PIK3CD: variants seen among roughly 807,000 people sequenced by gnomAD.
PIK3CD encodes phosphatidylinositol 4,5-bisphosphate 3-kinase catalytic subunit delta isoform.
Under a neutral mutation model 122.9 loss-of-function variants are expected in PIK3CD, and 20 were observed. The ratio of observed to expected loss-of-function variants is 0.16; its 90% CI spans 0.11 to 0.24. The LOEUF is 0.24. Among genes scored for constraint, PIK3CD ranks in the 10% least tolerant of loss-of-function variants. PIK3CD has a pLI of 1.00. For missense variants in PIK3CD, 787 were observed against 1,406.3 expected (o/e 0.56, Z 7.04); for synonymous variants, 596 against 593.4 (o/e 1.00, Z -0.06).
At chr1:9,630,804 C>T in the PIK3CD span, among the ~76,000 whole-genome samples, 1 of 151,836 alleles carries the variant, frequency 6.6e-6, no homozygotes, top group East Asian at 1.9e-4. Context: ...CATGTGCAAA[C>T]GTCCAGAGTC....
intron 1 of PIK3CD, among the ~76,000 whole-genome samples, chr1:9,670,505 A>G (rs192842370): frequency 6.6e-6 from 1 of 152,320 alleles, no homozygotes; most frequent in East Asian, 1.9e-4. Flanking sequence ...TTAGAATTAC[A>G]GGCTTCATAT....
chr1:9,695,299 A>G (rs976853644), intron 2 of PIK3CD, among the ~76,000 whole-genome samples: 1 of 152,176 alleles, frequency 6.6e-6, no homozygotes, highest in Non-Finnish European at 1.5e-5. Flanking sequence ...GCTCAAGAAA[A>G]AAAGGCAAGA....
chr1:9,709,130 A>G (rs1646953490), intron 2 of PIK3CD, among the ~76,000 whole-genome samples: 1 of 151,948 alleles, frequency 6.6e-6, no homozygotes, highest in African/African-American at 2.4e-5. Flanking sequence ...CCTGGGTTCA[A>G]GCGATTCTCC....
Position 9,727,732 on chromosome 1 carries a change from C to T in PIK3CD, c.*686C>T, listed in dbSNP as rs890741867. 9 of 211,000 alleles carry T rather than the reference C, an allele frequency of 4.3e-5. No individual in the cohort carries two copies. The highest frequency in any genetic ancestry group is 2.0e-4 in the African/African-American group (9 of 43,978). 13.1% of individuals were successfully genotyped at this position (211,000 alleles called of 1,614,324 possible). The stretch of plus-strand genomic sequence containing the variant: ...CAGGACGTGTTAAAGAGATCTGGGC[C>T]TCATGTAGCTCACCCCGGTCACGCA... On this transcript the variant is annotated 3_prime_UTR_variant, in exon 24 of 24. Coordinates refer to ENST00000377346, the MANE Select transcript of PIK3CD (RefSeq NM_005026.5).
chr1:9,722,045 C>T lies in PIK3CD; in HGVS notation c.2126C>T (p.Pro709Leu), dbSNP rs1477333023. The change falls in exon 17 of 24, where the codon CCC becomes CTC. Residue 709 changes from proline (P) to leucine (L), a missense_variant. Physicochemically the swap from Pro to Leu is moderately conservative, Grantham distance 98. This residue lies in a region of PIK3CD where 48 missense variants were observed against 71.9 expected (regional missense o/e 0.67). Transcript: ENST00000377346. This position sits in a 1 kb window ranked among gnomAD's most constrained non-coding sequence, Gnocchi z 7.6. ...VKLSSQKTPKPQTKELMHLCM... is the reference protein window; with the variant it reads ...VKLSSQKTPKLQTKELMHLCM... ...CTGAGCTCTCAGAAGACCCCCAAGC[C>T]CCAGACCAAGGAGCTGATGCACTTG... is the stretch of plus-strand genomic sequence containing the variant. 3 of 1,613,744 alleles carry T rather than the reference C, an allele frequency of 1.9e-6. No homozygotes were observed. The highest frequency in any genetic ancestry group is 1.1e-5 in the South Asian group (1 of 91,090).
At chr1:9,647,481 A>ATTATT (rs143700434), upstream of PIK3CD, among the ~76,000 whole-genome samples, 7 of 139,448 alleles carry the variant, frequency 5.0e-5, no homozygotes, top group Non-Finnish European at 7.7e-5. Flanking sequence ...TCATGATTCT[A>ATTATT]ATTATTATTA....
rs1186260674 is a variant in PIK3CD at position 9,727,332 on chromosome 1, C to G, written c.*286C>G. Reference sequence around the variant, plus strand: ...ACCCCAAGTCTTCCAGCTGGTGGATCTGGGCCCAGCAAAGACTGTTCTCCT... The same window carrying G: ...ACCCCAAGTCTTCCAGCTGGTGGATGTGGGCCCAGCAAAGACTGTTCTCCT... On this transcript the variant is annotated 3_prime_UTR_variant, in exon 24 of 24. Transcript: ENST00000377346. 4.0e-6 allele frequency: 2 copies of G among 501,386 alleles called. No homozygotes were observed. The highest frequency in any genetic ancestry group is 7.3e-6 in the Non-Finnish European group (2 of 274,466). The allele number at this position is 501,386 out of a possible 1,614,324, so 31.1% of individuals were successfully genotyped here. A position where few individuals can be genotyped will look rare whatever the true frequency, so the allele number is the denominator to read the frequency against.
At chr1:9,695,071 A>T (rs755786744) in intron 2 of PIK3CD, among the ~76,000 whole-genome samples, 7 of 152,188 alleles carry the variant, frequency 4.6e-5, no homozygotes, top group Non-Finnish European at 7.3e-5. Context: ...ACAGGGTCGT[A>T]TGGGGAAAAA....
chr1:9,632,301 C>T, the PIK3CD span, among the ~76,000 whole-genome samples: 5 of 152,254 alleles, frequency 3.3e-5, no homozygotes, highest in East Asian at 7.7e-4. Flanking sequence ...CGTGAGCCAC[C>T]GCACCTGGCT....
chr1:9,692,587 G>A (rs1422399964), intron 2 of PIK3CD, among the ~76,000 whole-genome samples: 1 of 151,934 alleles, frequency 6.6e-6, no homozygotes, highest in Non-Finnish European at 1.5e-5. Context: ...AAAATTAGCT[G>A]GGCGTAGTGG....
At chr1:9,680,176 A>G (rs2100209080) in intron 1 of PIK3CD, among the ~76,000 whole-genome samples, 1 of 151,902 alleles carries the variant, frequency 6.6e-6, no homozygotes, top group African/African-American at 2.4e-5. Context: ...GAGTCTTGCT[A>G]TGTTGCCTAG....
chr1:9,648,302 C>T (rs559327510), upstream of PIK3CD, among the ~76,000 whole-genome samples: 82 of 152,308 alleles, frequency 5.4e-4, 1 homozygote, highest in African/African-American at 1.9e-3. Context: ...TGGCATGCCT[C>T]CATTCTCCCG....
chr1:9,682,636 G>A (rs1020333256), intron 1 of PIK3CD, among the ~76,000 whole-genome samples: 2 of 152,170 alleles, frequency 1.3e-5, no homozygotes, highest in East Asian at 1.9e-4. Context: ...TGCCATCTCC[G>A]CCTCCTGGGT....
At chr1:9,644,234 G>A in the PIK3CD span, among the ~76,000 whole-genome samples, 1 of 152,168 alleles carries the variant, frequency 6.6e-6, no homozygotes, top group Non-Finnish European at 1.5e-5. Flanking sequence ...GAAAGCCTGG[G>A]CTGGAGTGGT....
chr1:9,714,864 G>A (rs894342088), intron 3 of PIK3CD, among the ~76,000 whole-genome samples: 2 of 152,026 alleles, frequency 1.3e-5, no homozygotes, highest in African/African-American at 2.4e-5. Context: ...TTCTGAGTTC[G>A]TTGCCAACAT....
At chr1:9,684,902 CT>C (rs1022834889) in intron 1 of PIK3CD, among the ~76,000 whole-genome samples, 131 of 144,650 alleles carry the variant, frequency 9.1e-4, no homozygotes, top group Non-Finnish European at 1.2e-3. Flanking sequence ...CAAACCCAAG[CT>C]TTTTTTTTTT....
At chr1:9,696,460 G>A (rs1646420996) in intron 2 of PIK3CD, among the ~76,000 whole-genome samples, 1 of 151,336 alleles carries the variant, frequency 6.6e-6, no homozygotes, top group Non-Finnish European at 1.5e-5. Flanking sequence ...AATATTAAAA[G>A]AATAAAATTG....
chr1:9,643,755 A>G, the PIK3CD span, among the ~76,000 whole-genome samples: 13 of 152,374 alleles, frequency 8.5e-5, no homozygotes, highest in South Asian at 2.7e-3. Context: ...GCAGAGGCAT[A>G]GAGAGGTTAA....
chr1:9,630,138 G>A, the PIK3CD span, among the ~76,000 whole-genome samples: 2 of 152,332 alleles, frequency 1.3e-5, no homozygotes, highest in African/African-American at 4.8e-5. Flanking sequence ...TTTTCCCTAG[G>A]CTTGAGAATG....
Sources: allele counts gnomAD v4.1 joint callset (sites outside exome capture counted in the v4.1 genomes callset), GRCh38; gene constraint gnomAD v4.1.1; regional missense constraint gnomAD v4.1.1; non-coding constraint Gnocchi (gnomAD v3.1); transcripts MANE v1.5; gene names NCBI Gene and HGNC (gene_info 2026-07-23, HGNC 2026-07-21).